The following SETD1A variants were observed in gnomAD, a reference collection of about 807,000 sequenced individuals.
SETD1A encodes histone-lysine N-methyltransferase SETD1A.
A neutral mutation model predicts 149.9 loss-of-function variants in SETD1A; 29 were observed. The ratio of observed to expected loss-of-function variants is 0.19; its 90% CI spans 0.14 to 0.26. SETD1A has a LOEUF of 0.26. Among genes scored for constraint, SETD1A ranks in the 10% least tolerant of loss-of-function variants. SETD1A has a pLI of 1.00. For synonymous variants in SETD1A, 1,141 were observed against 968.5 expected, an observed-to-expected ratio of 1.18 and a Z score of -3.31; for missense variants, 2,109 against 2,353.1, an observed-to-expected ratio of 0.90 and a Z score of 2.15.
In SETD1A at chr16:30,980,032, G is replaced by A. The variant is rs368725845; in HGVS notation, c.4246G>A (p.Glu1416Lys). ...PPPPPPPRAY[E>K]PRSEFEQMTI... The stretch of plus-strand genomic sequence containing the variant: ...CCCGCCGCCACCGCCCCGCGCCTAC[G>A]AGCCACGCAGTGAGTTTGAACAGAT... The change falls in exon 14 of 19, where the codon GAG becomes AAG. Residue 1416 changes from glutamate (E) to lysine (K), a missense_variant. By Grantham distance (56) the Glu-to-Lys change is moderately conservative. This residue lies in a region of SETD1A where 832 missense variants were observed against 815.6 expected (regional missense o/e 1.02). Coordinates refer to ENST00000262519, the MANE Select transcript of SETD1A (RefSeq NM_014712.3). This position sits in a 1 kb window ranked among gnomAD's most constrained non-coding sequence, Gnocchi z 7.7. 9.5e-6 allele frequency: 13 copies of A among 1,366,634 alleles called. No individual in the cohort carries two copies. The highest frequency in any genetic ancestry group is 1.6e-5 in the African/African-American group (1 of 62,284). The allele number at this position is 1,366,634 out of a possible 1,614,324, so 84.7% of individuals were successfully genotyped here. A position where few individuals can be genotyped will look rare whatever the true frequency, so the allele number is the denominator to read the frequency against.
In SETD1A at chr16:30,979,142, C is replaced by T. The variant is rs1339035121; in HGVS notation, c.3359-3C>T. 1.9e-6 allele frequency: 3 copies of T among 1,552,552 alleles called. No homozygotes were observed. Among genetic ancestry groups the T allele is most frequent in the Non-Finnish European group, 2.6e-6 (3 of 1,149,188 alleles). ...CTTTCCTTCCTATGTGCTTCCTTCC[C>T]AGGCCCCACGGAGGAGTCACCCCCC... On this transcript the variant is annotated splice_region_variant and splice_polypyrimidine_tract_variant and intron_variant, in intron 13 of 18. Coordinates refer to ENST00000262519, the MANE Select transcript of SETD1A (RefSeq NM_014712.3).
chr16:30,975,603 G>A (rs1016688157), intron 13 of SETD1A, among the ~76,000 whole-genome samples: 9 of 146,514 alleles, frequency 6.1e-5, no homozygotes, highest in African/African-American at 1.6e-4. Context: ...GCTAATTTTC[G>A]TATTTTTAGT....
chr16:30,960,758 C>T (rs1350888788), intron 3 of SETD1A, among the ~76,000 whole-genome samples: 5 of 100,476 alleles, frequency 5.0e-5, no homozygotes, highest in African/African-American at 1.5e-4. Flanking sequence ...TTTTTTGAGA[C>T]GGAGTCTCGC....
At chr16:30,964,070 C>G (rs760048581) in intron 5 of SETD1A, 24 bp from the exon 6 acceptor site, 1 of 1,595,978 alleles carries the variant, frequency 6.3e-7, no homozygotes, top group African/African-American at 1.3e-5. Context: ...ATTCCTCTCT[C>G]CTTGCCCTGC....
intron 17 of SETD1A, 29 bp downstream of exon 17, chr16:30,981,209 G>A: frequency 6.2e-7 from 1 of 1,612,418 alleles, no homozygotes; most frequent in Non-Finnish European, 8.5e-7. Context: ...CCCCGCCCCG[G>A]CTTCTGATGC....
chr16:30,971,778 A>T (rs1447209359), intron 13 of SETD1A, 59 bp downstream of exon 13: 3 of 1,499,928 alleles, frequency 2.0e-6, no homozygotes, highest in Non-Finnish European at 2.7e-6. Flanking sequence ...GAGAGAAAAC[A>T]GTGGTGCTTG....
intron 3 of SETD1A, among the ~76,000 whole-genome samples, chr16:30,959,453 T>A (rs1200777371): frequency 1.3e-5 from 2 of 152,202 alleles, no homozygotes; most frequent in Non-Finnish European, 2.9e-5. Context: ...GCTATACCTA[T>A]CACTGTATAT....
chr16:30,967,761 G>A (rs2143514989), intron 10 of SETD1A, among the ~76,000 whole-genome samples, 173 bp downstream of exon 10: 1 of 152,302 alleles, frequency 6.6e-6, no homozygotes, highest in Middle Eastern at 3.4e-3. Context: ...GTTATCCCCG[G>A]ATTGTAGTTG....
chr16:30,966,227 C>G lies in SETD1A; in HGVS notation c.2346C>G (p.Gly782=). The G allele has an allele frequency of 6.2e-7, 1 of 1,613,618 alleles. No individual in the cohort carries two copies. Among genetic ancestry groups the G allele is most frequent in the Non-Finnish European group, 8.5e-7 (1 of 1,179,948 alleles). The change falls in exon 8 of 19, where the codon GGC becomes GGG. Residue 782 remains glycine, a synonymous_variant. Coordinates refer to ENST00000262519, the MANE Select transcript of SETD1A (RefSeq NM_014712.3). ...GGGAAGAAGCAGAGCTGGCAGAGGG[C>G]AAGACCCTCCCGACAGCAGGCACCG... ...PPREEAELAE[G]KTLPTAGTVG...
In SETD1A at chr16:30,964,606, C is replaced by T. The variant is rs2056108606; in HGVS notation, c.870-6C>T. On this transcript the variant is annotated splice_polypyrimidine_tract_variant and splice_region_variant and intron_variant, in intron 6 of 18. Transcript: ENST00000262519. ...AGTCCAGCTAACTCCCCTGCTTCTT[C>T]TCCAGCACCACTTCAACCTCCTTCA... 1 of 1,609,924 alleles carries T rather than the reference C, an allele frequency of 6.2e-7. No homozygotes were observed. Among genetic ancestry groups the T allele is most frequent in the African/African-American group, 1.3e-5 (1 of 75,020 alleles).
chr16:30,975,349 G>A (rs962405007), intron 13 of SETD1A, among the ~76,000 whole-genome samples: 1 of 151,616 alleles, frequency 6.6e-6, no homozygotes, highest in Non-Finnish European at 1.5e-5. Flanking sequence ...GCTCCCATGT[G>A]TCAAGTACCT....
In SETD1A at chr16:30,979,879, G is replaced by T; in HGVS notation, c.4093G>T (p.Gly1365Trp). The T allele has an allele frequency of 6.5e-7, 1 of 1,535,144 alleles. No homozygotes were observed. Among genetic ancestry groups the T allele is most frequent in the Non-Finnish European group, 8.7e-7 (1 of 1,146,498 alleles). Residue 1365 changes from glycine to tryptophan, a missense_variant, in exon 14 of 19, where the codon GGG becomes TGG. Around this residue, in one of 8 missense-constraint regions of SETD1A, gnomAD observed 832 missense variants for 815.6 expected, o/e 1.02. Transcript: ENST00000262519. ...GCAGCGGGAGGAGGGCGAAGAGGAG[G>T]GGGAGGAAGAGGGGGAGGAAGAGGA... The part of the protein sequence containing the change: ...QQQREEGEEE[G>W]EEEGEEEEEE...
chr16:30,980,977 C>A lies in SETD1A; in HGVS notation c.4693-84C>A. The A allele has an allele frequency of 6.3e-7, 1 of 1,588,246 alleles. No individual in the cohort carries two copies. Among genetic ancestry groups the A allele is most frequent in the Non-Finnish European group, 8.6e-7 (1 of 1,162,926 alleles). ...GTTGGGGGGTAAGCAGCCAGAACACCCTCTGCCCAGGAAGTCTGTGGGAAG... is the reference window on the plus strand; with the variant it reads ...GTTGGGGGGTAAGCAGCCAGAACACACTCTGCCCAGGAAGTCTGTGGGAAG... On this transcript the variant is annotated intron_variant, in intron 16 of 18. Transcript: ENST00000262519. This position sits in a 1 kb window ranked among gnomAD's most constrained non-coding sequence, Gnocchi z 7.7.
rs138168130 is a variant in SETD1A, at chr16:30,971,395, G to A, written c.3034G>A (p.Asp1012Asn). The A allele has an allele frequency of 8.2e-6, 13 of 1,585,816 alleles. No individual in the cohort carries two copies. Among genetic ancestry groups the A allele is most frequent in the Non-Finnish European group, 1.1e-5 (13 of 1,160,600 alleles). The change falls in exon 13 of 19, where the codon GAT becomes AAT. Residue 1012 changes from aspartate to asparagine, a missense_variant. Coordinates refer to ENST00000262519, the MANE Select transcript of SETD1A (RefSeq NM_014712.3). ...EVSDGEDEES[D>N]SSSKCSLYAD... ...ATTTCCAGGCGAGGACGAGGAAAGC[G>A]ATTCGTCTTCCAAATGTTCTCTGTA...
Position 30,980,418 on chromosome 16 carries a change from C to T in SETD1A, c.4409-67C>T, listed in dbSNP as rs1161904465. The T allele has an allele frequency of 1.7e-5, 27 of 1,550,612 alleles. No individual in the cohort carries two copies. Among genetic ancestry groups the T allele is most frequent in the African/African-American group, 4.1e-5 (3 of 73,410 alleles). ...TGGGTATGCTCAGCGGCGTGGGCCC[C>T]GCCCTCTCCTTTGGCTGGGACGCAG... On this transcript the variant is annotated intron_variant, in intron 14 of 18. Coordinates refer to ENST00000262519, the MANE Select transcript of SETD1A (RefSeq NM_014712.3). This position sits in a 1 kb window ranked among gnomAD's most constrained non-coding sequence, Gnocchi z 7.7.
At chr16:30,963,126 GT>G (rs1321271905) in intron 4 of SETD1A, among the ~76,000 whole-genome samples, 4 of 152,222 alleles carry the variant, frequency 2.6e-5, no homozygotes, top group African/African-American at 9.7e-5. Flanking sequence ...GTGACTTTGT[GT>G]AGGTCGCTTT....
chr16:30,979,216 G>GC lies in SETD1A; in HGVS notation c.3434dup (p.Arg1146ThrfsTer4). 1 of 1,551,718 alleles carries GC rather than the reference G, an allele frequency of 6.4e-7. No homozygotes were observed. The highest frequency in any genetic ancestry group is 2.0e-5 in the Admixed American group (1 of 50,896). ...ACCACCTGCTGGGCCCCCGGCCCCT[G>GC]CCCCACGCCCCGATGAGCGTCCCTC... On this transcript the variant is annotated frameshift_variant, in exon 14 of 19. Coordinates refer to ENST00000262519, the MANE Select transcript of SETD1A (RefSeq NM_014712.3). LOFTEE classifies it high-confidence loss of function.
At chr16:30,958,348 G>GT in intron 1 of SETD1A, 1 of 183,172 alleles carries the variant, frequency 5.5e-6, no homozygotes, top group Non-Finnish European at 1.1e-5. Context: ...GCGGGTGTGT[G>GT]GGAGCCGTGG....
rs752324584 is a variant in SETD1A at position 30,966,220 on chromosome 16, C to T, written c.2339C>T (p.Ala780Val). The T allele has an allele frequency of 1.9e-6, 3 of 1,613,388 alleles. No homozygotes were observed. Among genetic ancestry groups the T allele is most frequent in the East Asian group, 2.2e-5 (1 of 44,884 alleles). The change falls in exon 8 of 19, where the codon GCA becomes GTA. Residue 780 changes from alanine to valine, a missense_variant. This residue lies in a region of SETD1A where 431 missense variants were observed against 388.6 expected (regional missense o/e 1.11). Transcript: ENST00000262519. ...CCACCCAGGGAAGAAGCAGAGCTGG[C>T]AGAGGGCAAGACCCTCCCGACAGCA... ...RLPPREEAEL[A>V]EGKTLPTAGT...
Sources: allele counts gnomAD v4.1 joint callset (sites outside exome capture counted in the v4.1 genomes callset), GRCh38; gene constraint gnomAD v4.1.1; regional missense constraint gnomAD v4.1.1; non-coding constraint Gnocchi (gnomAD v3.1); transcripts MANE v1.5; gene names NCBI Gene and HGNC (gene_info 2026-07-23, HGNC 2026-07-21).